GLCCI1: variants seen among roughly 807,000 people sequenced by gnomAD.
The protein encoded by GLCCI1 is glucocorticoid induced 1.
In GLCCI1, 24 loss-of-function variants were observed where a neutral mutation model predicts 52.2. That is an observed-to-expected ratio of 0.46 (90% CI 0.33 to 0.65). The LOEUF is 0.65. GLCCI1 is among the 30% of genes least tolerant of loss of function. The pLI is 0.02. For missense variants in GLCCI1, 704 were observed against 701.5 expected (o/e 1.00, Z -0.04); for synonymous variants, 310 against 276.5 (o/e 1.12, Z -1.20).
chr7:7,975,071 G>A (rs1002693009), intron 1 of GLCCI1, among the ~76,000 whole-genome samples: 4 of 152,252 alleles, frequency 2.6e-5, no homozygotes, highest in African/African-American at 7.2e-5. Flanking sequence ...GGAACTGATG[G>A]AAGGCAGATA....
At chr7:8,014,005 T>G (rs1781325460) in intron 2 of GLCCI1, among the ~76,000 whole-genome samples, 1 of 151,586 alleles carries the variant, frequency 6.6e-6, no homozygotes, top group Non-Finnish European at 1.5e-5. Context: ...TTTTTTTTTT[T>G]TTGAGACGGA....
chr7:8,012,113 C>G (rs1281913481), intron 2 of GLCCI1, among the ~76,000 whole-genome samples: 1 of 151,402 alleles, frequency 6.6e-6, no homozygotes, highest in Non-Finnish European at 1.5e-5. Context: ...CCGTGCCCAG[C>G]CAGGGGTCCA....
intron 6 of GLCCI1, among the ~76,000 whole-genome samples, chr7:8,079,181 T>C (rs1191950671): frequency 6.6e-6 from 1 of 152,190 alleles, no homozygotes; most frequent in African/African-American, 2.4e-5. Context: ...ACTGATTTTT[T>C]TTCCCCACAC....
intron 1 of GLCCI1, among the ~76,000 whole-genome samples, chr7:7,982,658 G>C (rs1327300853): frequency 6.6e-6 from 1 of 152,014 alleles, no homozygotes; most frequent in East Asian, 1.9e-4. Flanking sequence ...TAATTATTTG[G>C]AAATTTGTGT....
chr7:8,005,630 G>C (rs968907908), intron 2 of GLCCI1, among the ~76,000 whole-genome samples: 1 of 151,924 alleles, frequency 6.6e-6, no homozygotes, highest in Admixed American at 6.6e-5. Flanking sequence ...TACTGAACTG[G>C]GATTATAGGA....
chr7:8,045,969 A>T (rs532018504), intron 3 of GLCCI1, among the ~76,000 whole-genome samples: 1 of 152,178 alleles, frequency 6.6e-6, no homozygotes, highest in East Asian at 1.9e-4. Context: ...ATTCCAAAAA[A>T]AAAAAACCTT....
chr7:8,008,400 C>T (rs1405369988), intron 2 of GLCCI1, among the ~76,000 whole-genome samples: 6 of 151,926 alleles, frequency 3.9e-5, no homozygotes, highest in African/African-American at 1.5e-4. Flanking sequence ...ATTCTCATGC[C>T]TCAGCCTCCC....
intron 1 of GLCCI1, among the ~76,000 whole-genome samples, chr7:7,973,406 T>TTGTGTGTGTGTGTGTG (rs1190596785): frequency 1.2e-5 from 1 of 83,892 alleles, no homozygotes. Context: ...ATGCAAATCT[T>TTGTGTGTGTGTGTGTG]TGTGTGCGTG....
intron 1 of GLCCI1, among the ~76,000 whole-genome samples, chr7:7,996,996 G>A (rs962508675): frequency 1.3e-5 from 2 of 152,178 alleles, no homozygotes; most frequent in African/African-American, 2.4e-5. Flanking sequence ...TTTATTTTAC[G>A]TGGCCTATGT....
intron 3 of GLCCI1, among the ~76,000 whole-genome samples, chr7:8,030,765 A>G (rs1197122818): frequency 6.6e-6 from 1 of 152,112 alleles, no homozygotes; most frequent in South Asian, 2.1e-4. Flanking sequence ...ATAGACGTGG[A>G]AAACAGGCAT....
At position 8,088,371 on chromosome 7, in the gene GLCCI1, G is replaced by T. The variant is rs759171264; in HGVS notation, c.*1833G>T. The T allele has an allele frequency of 6.6e-6, 1 of 152,170 alleles. No individual in the cohort carries two copies. The highest frequency in any genetic ancestry group is 2.4e-5 in the African/African-American group (1 of 41,246). The allele number at this position is 152,170 out of a possible 1,614,324, so 9.4% of individuals were successfully genotyped here. On this transcript the variant is annotated 3_prime_UTR_variant, in exon 8 of 8. Coordinates refer to ENST00000223145, the MANE Select transcript of GLCCI1 (RefSeq NM_138426.4). ...GGTGCATTCTGGCTCCTTTAAATTA[G>T]TCAGTGTTATATTGTAGGAGACTGT...
intron 3 of GLCCI1, among the ~76,000 whole-genome samples, chr7:8,053,940 G>A (rs773739159): frequency 3.9e-5 from 6 of 151,956 alleles, no homozygotes; most frequent in Non-Finnish European, 8.8e-5. Flanking sequence ...TGTCTTCAGG[G>A]GTTTGTTAAG....
intron 6 of GLCCI1, among the ~76,000 whole-genome samples, chr7:8,083,509 C>T (rs1381175691): frequency 6.6e-6 from 1 of 152,124 alleles, no homozygotes; most frequent in Non-Finnish European, 1.5e-5. Flanking sequence ...CCTCCTCCTT[C>T]CTCCCATTTG....
intron 2 of GLCCI1, among the ~76,000 whole-genome samples, chr7:8,016,425 C>T (rs1471035016): frequency 2.0e-5 from 3 of 152,058 alleles, no homozygotes; most frequent in Non-Finnish European, 4.4e-5. Flanking sequence ...GCCGAGATCG[C>T]ACCACTGCAC....
chr7:8,014,327 A>G (rs1453353924), intron 2 of GLCCI1, among the ~76,000 whole-genome samples: 4 of 152,176 alleles, frequency 2.6e-5, no homozygotes, highest in Admixed American at 2.0e-4. Context: ...TCTAATGGTA[A>G]TGTATCTAGT....
chr7:8,063,297 C>T (rs1782556402), intron 5 of GLCCI1, among the ~76,000 whole-genome samples: 1 of 151,624 alleles, frequency 6.6e-6, no homozygotes, highest in African/African-American at 2.4e-5. Context: ...GCTGCCATGC[C>T]CGACTAACTT....
intron 3 of GLCCI1, among the ~76,000 whole-genome samples, chr7:8,031,742 A>G (rs1241043174): frequency 2.6e-5 from 4 of 152,084 alleles, no homozygotes; most frequent in African/African-American, 7.2e-5. Context: ...AACAGACTGA[A>G]AGCAAAAAGA....
intron 3 of GLCCI1, among the ~76,000 whole-genome samples, chr7:8,049,362 G>A (rs1782206011): frequency 6.6e-6 from 1 of 151,792 alleles, no homozygotes; most frequent in Non-Finnish European, 1.5e-5. Context: ...TTGCAGTAAT[G>A]GTTTTTCTGG....
chr7:8,080,623 A>T (rs1055691273), intron 6 of GLCCI1, among the ~76,000 whole-genome samples: 5 of 151,406 alleles, frequency 3.3e-5, no homozygotes, highest in Non-Finnish European at 5.9e-5. Flanking sequence ...TTGTATCTGT[A>T]TGTACCGGAG....
Sources: gnomAD v4.1 joint callset for allele counts (sites outside exome capture counted in the v4.1 genomes callset) on GRCh38, gnomAD v4.1.1 for gene constraint, MANE v1.5 for transcripts, NCBI Gene and HGNC (gene_info 2026-07-23, HGNC 2026-07-21) for gene names.